ERBB4: variants seen among roughly 807,000 people sequenced by gnomAD.
The protein encoded by ERBB4 is erb-b2 receptor tyrosine kinase 4, also known as receptor tyrosine-protein kinase erbB-4.
A neutral mutation model predicts 158.0 loss-of-function variants in ERBB4; 42 were observed. The ratio of observed to expected loss-of-function variants is 0.27; its 90% CI spans 0.21 to 0.34. The LOEUF is 0.34. Among genes scored for constraint, ERBB4 ranks in the 10% least tolerant of loss-of-function variants. ERBB4 has a pLI of 1.00. For synonymous variants in ERBB4, 583 were observed against 558.7 expected (o/e 1.04, Z -0.61); for missense variants, 1,333 against 1,624.1 (o/e 0.82, Z 3.08).
chr2:211,841,125 T>G (rs2077460539), intron 3 of ERBB4, among the ~76,000 whole-genome samples: 1 of 151,950 alleles, frequency 6.6e-6, no homozygotes, highest in Admixed American at 6.6e-5. Context: ...ATGAAGAAAA[T>G]TTTAGATAAT....
intron 4 of ERBB4, among the ~76,000 whole-genome samples, chr2:211,785,295 G>C (rs898510885): frequency 6.6e-6 from 1 of 151,970 alleles, no homozygotes; most frequent in Non-Finnish European, 1.5e-5. Flanking sequence ...TAGAGGCGGG[G>C]TTTCACCGTG....
chr2:211,424,417 T>TAAA, intron 22 of ERBB4, 116 bp from the exon 23 acceptor site: 2 of 549,046 alleles, frequency 3.6e-6, no homozygotes, highest in Admixed American at 3.4e-5. Context: ...ACCAATCAAT[T>TAAA]AAAAAAAAAA....
chr2:211,911,825 T>C (rs2079547657), intron 3 of ERBB4, among the ~76,000 whole-genome samples: 1 of 151,114 alleles, frequency 6.6e-6, no homozygotes, highest in Non-Finnish European at 1.5e-5. Context: ...TCTTTTCTTT[T>C]TTTTTTTTTT....
chr2:212,420,144 T>A (rs563075188), intron 1 of ERBB4, among the ~76,000 whole-genome samples: 1 of 152,170 alleles, frequency 6.6e-6, no homozygotes, highest in African/African-American at 2.4e-5. Flanking sequence ...TAGCATTCAT[T>A]CCTAAATCCA....
chr2:212,209,374 T>C (rs1156727486), intron 1 of ERBB4, among the ~76,000 whole-genome samples: 1 of 152,164 alleles, frequency 6.6e-6, no homozygotes, highest in Non-Finnish European at 1.5e-5. Flanking sequence ...TCAAAATGGC[T>C]AATCTAAAAA....
At chr2:212,174,892 C>T (rs1044685091) in intron 1 of ERBB4, among the ~76,000 whole-genome samples, 15 of 151,958 alleles carry the variant, frequency 9.9e-5, no homozygotes, top group Admixed American at 6.6e-5. Flanking sequence ...TTTTATAATT[C>T]GATCTAAGTC....
chr2:211,733,173 T>A (rs927540058), intron 5 of ERBB4, among the ~76,000 whole-genome samples: 1 of 152,190 alleles, frequency 6.6e-6, no homozygotes, highest in East Asian at 1.9e-4. Context: ...TGAAGTTTTA[T>A]TCAACCTATT....
chr2:211,407,710 A>G (rs1369685040), intron 25 of ERBB4, among the ~76,000 whole-genome samples: 1 of 152,224 alleles, frequency 6.6e-6, no homozygotes, highest in Non-Finnish European at 1.5e-5. Context: ...CAATGTCTGA[A>G]TAAAAACGAC....
intron 2 of ERBB4, among the ~76,000 whole-genome samples, chr2:212,113,146 TA>T (rs2125544454): frequency 6.6e-6 from 1 of 152,136 alleles, no homozygotes; most frequent in African/African-American, 2.4e-5. Flanking sequence ...ATGTTAAGGT[TA>T]GGGGAATAGA....
At position 211,562,189 on chromosome 2, in the gene ERBB4, C is replaced by T. The variant is rs1297884792; in HGVS notation, c.2302-101G>A. 6 of 951,350 alleles carry T rather than the reference C, an allele frequency of 6.3e-6. No individual in the cohort carries two copies. In the South Asian group the frequency reaches 8.1e-5, roughly 13 times the overall value. 58.9% of individuals were successfully genotyped at this position (951,350 alleles called of 1,614,324 possible). On this transcript the variant is annotated intron_variant, in intron 19 of 27. Transcript: ENST00000342788. ...GGTGCTGATGATTTTTAAAAATGTA[C>T]TCTTACTCAATGGAATCAATCAAAA...
chr2:211,646,864 T>C (rs973695892), intron 16 of ERBB4, among the ~76,000 whole-genome samples: 2 of 151,742 alleles, frequency 1.3e-5, no homozygotes, highest in African/African-American at 4.8e-5. Context: ...GTTAGAAACA[T>C]GTAAAGCAAC....
chr2:211,968,308 T>C (rs180968994), intron 2 of ERBB4, among the ~76,000 whole-genome samples: 1 of 152,174 alleles, frequency 6.6e-6, no homozygotes, highest in East Asian at 1.9e-4. Context: ...AAATCATTTT[T>C]CTTGTTCTGG....
intron 1 of ERBB4, among the ~76,000 whole-genome samples, chr2:212,267,599 T>TTTTTTTTTTC (rs1553607834): frequency 1.9e-4 from 8 of 41,636 alleles, no homozygotes; most frequent in African/African-American, 3.1e-4. Context: ...TCTCATTTCT[T>TTTTTTTTTTC]TTTTTTTTTT....
At chr2:211,553,169 G>A (rs1159886840) in intron 20 of ERBB4, among the ~76,000 whole-genome samples, 5 of 151,780 alleles carry the variant, frequency 3.3e-5, no homozygotes, top group South Asian at 2.1e-4. Context: ...GGGTTTCACC[G>A]TGTTGGCCAG....
In ERBB4 at chr2:211,608,826, C is replaced by T. The variant is rs568661188; in HGVS notation, c.2301+10351G>A. On this transcript the variant is annotated intron_variant, in intron 19 of 27. Transcript: ENST00000342788. ...GATATTAGTGCAAATAAAACCATACCTAAATTCACCCTTGTTTACATTAAT... is the reference window on the plus strand; with the variant it reads ...GATATTAGTGCAAATAAAACCATACTTAAATTCACCCTTGTTTACATTAAT... Among the ~76,000 whole-genome samples, 29 of 152,206 alleles carry T rather than the reference C, an allele frequency of 1.9e-4. No individual in the cohort carries two copies. In the South Asian group the frequency reaches 2.5e-3, roughly 13 times the overall value.
At chr2:211,709,936 T>G (rs774458294) in intron 9 of ERBB4, among the ~76,000 whole-genome samples, 23 of 152,284 alleles carry the variant, frequency 1.5e-4, no homozygotes, top group Non-Finnish European at 3.2e-4. Context: ...TTCCTGGTAC[T>G]TCTTACACAA....
chr2:212,428,012 T>G (rs1300433816), intron 1 of ERBB4, among the ~76,000 whole-genome samples: 2 of 152,134 alleles, frequency 1.3e-5, no homozygotes, highest in African/African-American at 4.8e-5. Context: ...TAATAATGTC[T>G]TTATATTGAA....
intron 2 of ERBB4, among the ~76,000 whole-genome samples, chr2:212,116,456 G>GT (rs1345970809): frequency 1.3e-5 from 2 of 152,074 alleles, no homozygotes; most frequent in East Asian, 1.9e-4. Flanking sequence ...ATTTATTGTT[G>GT]TTTTTTCTTG....
At position 211,721,313 on chromosome 2, in the gene ERBB4, C is replaced by T. The variant is rs145380866; in HGVS notation, c.883+1080G>A. On this transcript the variant is annotated intron_variant, in intron 7 of 27. Coordinates refer to ENST00000342788, the MANE Select transcript of ERBB4 (RefSeq NM_005235.3). Reference sequence around the variant, plus strand: ...CCTGTACTTCCTACTGTATCACATACACAAAGTGAAGTAAGTCACATTATA... The same window carrying T: ...CCTGTACTTCCTACTGTATCACATATACAAAGTGAAGTAAGTCACATTATA... Among the ~76,000 whole-genome samples the T allele has an allele frequency of 3.8e-3, 573 of 152,090 alleles. 4 individuals carry two copies. The highest frequency in any genetic ancestry group is 0.013 in the African/African-American group (532 of 41,446).
Sources: gnomAD v4.1 joint callset for allele counts (sites outside exome capture counted in the v4.1 genomes callset) on GRCh38, gnomAD v4.1.1 for gene constraint, MANE v1.5 for transcripts, NCBI Gene and HGNC (gene_info 2026-07-23, HGNC 2026-07-21) for gene names.